The following CCDC30 variants were observed in gnomAD, a reference collection of about 807,000 sequenced individuals.
The protein encoded by CCDC30 is coiled-coil domain-containing protein 30.
A neutral mutation model predicts 100.2 loss-of-function variants in CCDC30; 70 were observed. The observed-to-expected ratio is 0.70, with a 90% CI of 0.58 to 0.85. CCDC30 has a LOEUF of 0.85. Among genes scored for constraint, CCDC30 ranks in the 40% least tolerant of loss-of-function variants. The pLI is 0.00. For synonymous variants in CCDC30, 233 were observed against 269.5 expected, an observed-to-expected ratio of 0.86 and a Z score of 1.33; for missense variants, 652 against 771.2, an observed-to-expected ratio of 0.85 and a Z score of 1.83.
chr1:42,544,738 C>T (rs1005647095), intron 6 of CCDC30, among the ~76,000 whole-genome samples: 2 of 152,056 alleles, frequency 1.3e-5, no homozygotes, highest in African/African-American at 4.8e-5. Flanking sequence ...AACTCCTGGA[C>T]TCAAGCAATC....
chr1:42,530,791 G>A (rs1644793858), intron 6 of CCDC30, among the ~76,000 whole-genome samples: 1 of 152,116 alleles, frequency 6.6e-6, no homozygotes, highest in Admixed American at 6.6e-5. Context: ...TTATATGAGG[G>A]ACTTGAGCAT....
intron 2 of CCDC30, among the ~76,000 whole-genome samples, chr1:42,481,942 G>A (rs1156491120): frequency 1.1e-4 from 16 of 152,104 alleles, no homozygotes; most frequent in Admixed American, 1.0e-3. Flanking sequence ...TTACAAGCTG[G>A]GTGCGGTGGC....
At chr1:42,611,014 T>A (rs750830544) in exon 11 of CCDC30, 1 of 1,612,492 alleles carries the variant, frequency 6.2e-7, no homozygotes, top group South Asian at 1.1e-5. Context: ...AGAGAAGCTA[T>A]CTAAGCTACA....
chr1:42,642,548 G>A, exon 13 of CCDC30: 1 of 1,605,640 alleles, frequency 6.2e-7, no homozygotes, highest in African/African-American at 1.3e-5. Flanking sequence ...TCAGGAGCAA[G>A]TCATAGAGCA....
intron 10 of CCDC30, among the ~76,000 whole-genome samples, chr1:42,600,839 C>T (rs939465435): frequency 5.3e-5 from 8 of 151,786 alleles, no homozygotes; most frequent in African/African-American, 1.9e-4. Flanking sequence ...CACTCTTGCT[C>T]TCTCCCTCCC....
intron 6 of CCDC30, among the ~76,000 whole-genome samples, chr1:42,535,522 A>G (rs891176429): frequency 6.7e-6 from 1 of 149,334 alleles, no homozygotes; most frequent in African/African-American, 2.5e-5. Context: ...TGACTGGCCA[A>G]ACCAAATGTG....
chr1:42,635,194 C>T (rs530304062), intron 11 of CCDC30, among the ~76,000 whole-genome samples: 2 of 152,032 alleles, frequency 1.3e-5, no homozygotes, highest in Admixed American at 6.6e-5. Flanking sequence ...TACAGGTGCC[C>T]GCCACCACAC....
Position 42,478,410 on chromosome 1 carries a change from A to G in CCDC30, c.-91-2051A>G, listed in dbSNP as rs536906222. 5.3e-5 allele frequency among the ~76,000 whole-genome samples: 8 copies of G among 152,336 alleles called. No homozygotes were observed. The South Asian group carries it at 1.7e-3, about 32-fold the overall frequency. On this transcript the variant is annotated intron_variant, in intron 1 of 16. Transcript: ENST00000668663. ...TGAAATCTTGGATGACTCTAATACC[A>G]ACTACTCAATCACTTTTGGATCATA...
Position 42,510,142 on chromosome 1 carries a change from A to G in CCDC30, c.456+11226A>G, listed in dbSNP as rs567650164. The G allele has an allele frequency of 3.7e-5, 36 of 984,054 alleles. 1 individual carries two copies. Among genetic ancestry groups the G allele is most frequent in the South Asian group, 2.4e-4 (5 of 21,264 alleles). 61.0% of individuals were successfully genotyped at this position (984,054 alleles called of 1,614,324 possible). A position where few individuals can be genotyped will look rare whatever the true frequency, so the allele number is the denominator to read the frequency against. On this transcript the variant is annotated intron_variant, in intron 6 of 16. Transcript: ENST00000668663. The stretch of plus-strand genomic sequence containing the variant: ...CTGGAAGTTGCATTTGAGGGTTTCA[A>G]TTAGGGTTGTCAATAAGTACTGCCT...
At chr1:42,460,250 T>G, upstream of CCDC30, 1 of 1,035,034 alleles carries the variant, frequency 9.7e-7, no homozygotes, top group Non-Finnish European at 1.2e-6. Flanking sequence ...GCATGAATGG[T>G]CATGCTTTGG....
chr1:42,546,432 A>ATGTATATATATGTATATATATG (rs1553192927), intron 6 of CCDC30, among the ~76,000 whole-genome samples: 2 of 112,346 alleles, frequency 1.8e-5, no homozygotes, highest in Non-Finnish European at 3.8e-5. Context: ...ATATATATAT[A>ATGTATATATATGTATATATATG]TATATATATA....
intron 7 of CCDC30, among the ~76,000 whole-genome samples, chr1:42,569,897 G>A (rs1032043206): frequency 2.6e-5 from 4 of 152,210 alleles, no homozygotes; most frequent in Non-Finnish European, 5.9e-5. Context: ...AACACTGCGT[G>A]TTCTCACTCA....
At chr1:42,485,351 T>C (rs1473567026) in intron 3 of CCDC30, among the ~76,000 whole-genome samples, 11 of 152,186 alleles carry the variant, frequency 7.2e-5, no homozygotes. Flanking sequence ...TTAAAACCTT[T>C]ACAGTTCAAA....
intron 4 of CCDC30, chr1:42,492,038 T>C (rs1644151703): frequency 2.0e-6 from 1 of 507,048 alleles, no homozygotes; most frequent in Non-Finnish European, 3.6e-6. Context: ...TTCCAGGGCA[T>C]GGATTTACCC....
At chr1:42,630,323 T>C (rs1486294134) in intron 11 of CCDC30, among the ~76,000 whole-genome samples, 1 of 152,024 alleles carries the variant, frequency 6.6e-6, no homozygotes, top group African/African-American at 2.4e-5. Flanking sequence ...GTGTGCTTCA[T>C]TCTTTTTTAT....
At chr1:42,471,627 C>T (rs1643772898) in intron 1 of CCDC30, among the ~76,000 whole-genome samples, 1 of 152,108 alleles carries the variant, frequency 6.6e-6, no homozygotes, top group Non-Finnish European at 1.5e-5. Context: ...CTGTATGATG[C>T]TCAAAGACCT....
At chr1:42,606,498 G>A (rs1003335559) in intron 10 of CCDC30, among the ~76,000 whole-genome samples, 10 of 152,068 alleles carry the variant, frequency 6.6e-5, no homozygotes, top group Non-Finnish European at 1.3e-4. Context: ...GGCTTGTCTC[G>A]AACTCCTGAC....
chr1:42,524,090 T>C lies in CCDC30; in HGVS notation c.456+25174T>C, dbSNP rs951969245. Among the ~76,000 whole-genome samples, 5 of 151,168 alleles carry C rather than the reference T, an allele frequency of 3.3e-5. No homozygotes were observed. In the East Asian group the frequency reaches 7.8e-4, roughly 24 times the overall value. On this transcript the variant is annotated intron_variant, in intron 6 of 16. Coordinates refer to ENST00000668663, the Ensembl canonical transcript of CCDC30. ...TATGGTCTTTTTCAGGGACAGTTTC[T>C]GTTGGTTTTGTTTTCTTTTTTTTTT...
chr1:42,626,958 G>GA (rs1240555115), intron 11 of CCDC30, among the ~76,000 whole-genome samples: 16 of 152,238 alleles, frequency 1.1e-4, no homozygotes, highest in East Asian at 7.7e-4. Context: ...GGGCATTGCT[G>GA]AAAAAATACC....
Sources: gnomAD v4.1 joint callset for allele counts (sites outside exome capture counted in the v4.1 genomes callset) on GRCh38, gnomAD v4.1.1 for gene constraint, MANE v1.5 for transcripts, NCBI Gene and HGNC (gene_info 2026-07-23, HGNC 2026-07-21) for gene names.